Variants in SCN11A observed in about 807,000 individuals in gnomAD.
SCN11A encodes the protein sodium channel protein type 11 subunit alpha.
Under a neutral mutation model 162.2 loss-of-function variants are expected in SCN11A, and 122 were observed. The observed-to-expected ratio is 0.75, with a 90% CI of 0.65 to 0.87. The LOEUF (loss-of-function observed/expected upper bound fraction) is 0.87, where lower values mean the gene tolerates loss of function less well. Ranked by LOEUF, SCN11A falls within the 40% of genes least tolerant of loss-of-function variation. SCN11A has a pLI of 0.00. For missense variants in SCN11A, 2,015 were observed against 2,181.6 expected (o/e 0.92, Z 1.52); for synonymous variants, 758 against 751.5 (o/e 1.01, Z -0.14).
At chr3:39,033,323 C>T (rs1427090326) in intron 1 of SCN11A, among the ~76,000 whole-genome samples, 1 of 151,700 alleles carries the variant, frequency 6.6e-6, no homozygotes, top group Non-Finnish European at 1.5e-5. Flanking sequence ...TTTATATTTA[C>T]TACATTTTTG....
At chr3:39,037,055 C>A (rs1223370470) in intron 1 of SCN11A, among the ~76,000 whole-genome samples, 2 of 152,134 alleles carry the variant, frequency 1.3e-5, no homozygotes, top group African/African-American at 4.8e-5. Context: ...TCATAATAGC[C>A]AAGATTTGGA....
intron 26 of SCN11A, among the ~76,000 whole-genome samples, chr3:38,868,275 C>T (rs1330882623): frequency 6.6e-6 from 1 of 152,180 alleles, no homozygotes; most frequent in East Asian, 1.9e-4. Flanking sequence ...ACAATGTAGA[C>T]TAGTGTAATG....
At chr3:39,028,978 T>C (rs768231067) in intron 2 of SCN11A, among the ~76,000 whole-genome samples, 4 of 152,228 alleles carry the variant, frequency 2.6e-5, no homozygotes, top group Admixed American at 1.3e-4. Flanking sequence ...TTCAAGCCAT[T>C]AGTAACTGCC....
rs189244327 is a variant in SCN11A, at chr3:38,850,882, C to T, written c.4057-131G>A. On this transcript the variant is annotated intron_variant, in intron 28 of 29. Coordinates refer to ENST00000302328, the MANE Select transcript of SCN11A (RefSeq NM_001349253.2). Reference sequence around the variant, plus strand: ...CAGTTCCTTGAAAAATACACAGACCCTTTTCAAAGGGCAAGAAATTCTTAT... The same window carrying T: ...CAGTTCCTTGAAAAATACACAGACCTTTTTCAAAGGGCAAGAAATTCTTAT... 3.7e-4 allele frequency: 247 copies of T among 670,942 alleles called. No homozygotes were observed. The African/African-American group carries it at 4.1e-3, about 11-fold the overall frequency. 41.6% of individuals were successfully genotyped at this position (670,942 alleles called of 1,614,324 possible). A position where few individuals can be genotyped will look rare whatever the true frequency, so the allele number is the denominator to read the frequency against.
chr3:39,000,817 A>G (rs2030787883), intron 2 of SCN11A, among the ~76,000 whole-genome samples: 1 of 152,208 alleles, frequency 6.6e-6, no homozygotes, highest in Non-Finnish European at 1.5e-5. Context: ...CGGGTGGATC[A>G]CTTGAGGCCA....
Position 39,024,903 on chromosome 3 carries a change from G to A in SCN11A, c.-280+7477C>T, listed in dbSNP as rs145289776. ...AGCATGAAAATGGACAATTTCCCCT[G>A]TATCTTTGGGTCTTCCTTCTGAAGG... On this transcript the variant is annotated intron_variant, in intron 2 of 29. Coordinates refer to ENST00000302328, the MANE Select transcript of SCN11A (RefSeq NM_001349253.2). Among the ~76,000 whole-genome samples the A allele has an allele frequency of 1.5e-3, 225 of 152,310 alleles. 1 individual carries two copies. Among genetic ancestry groups the A allele is most frequent in the African/African-American group, 4.9e-3 (205 of 41,562 alleles).
chr3:38,968,090 G>A (rs1483133322), intron 2 of SCN11A, among the ~76,000 whole-genome samples: 2 of 152,194 alleles, frequency 1.3e-5, no homozygotes, highest in Non-Finnish European at 2.9e-5. Context: ...GAGTAGAACC[G>A]AAGAATGAAG....
intron 21 of SCN11A, among the ~76,000 whole-genome samples, chr3:38,884,114 T>C (rs537658677): frequency 6.6e-6 from 1 of 152,306 alleles, no homozygotes; most frequent in East Asian, 1.9e-4. Flanking sequence ...ATTATAACAT[T>C]CTGCTCCTTT....
intron 2 of SCN11A, among the ~76,000 whole-genome samples, chr3:38,976,629 TC>T (rs904741638): frequency 1.3e-5 from 2 of 152,186 alleles, no homozygotes; most frequent in African/African-American, 2.4e-5. Flanking sequence ...GTACTTCTTG[TC>T]CCAAGTATTT....
intron 11 of SCN11A, among the ~76,000 whole-genome samples, chr3:38,919,160 T>C (rs2066007413): frequency 6.6e-6 from 1 of 152,230 alleles, no homozygotes. Context: ...ATTATCAATC[T>C]AAATATCATT....
rs114536229 is a variant in SCN11A at position 38,912,753 on chromosome 3, G to C, written c.960-2546C>G. On this transcript the variant is annotated intron_variant, in intron 11 of 29. Transcript: ENST00000302328. ...ATTTGGTTTTCTGTTTCCTGCTTTA[G>C]TTTGCTAAGGCTAATGGCCTCTAAC... Among the ~76,000 whole-genome samples the C allele has an allele frequency of 3.6e-3, 546 of 152,266 alleles. 7 individuals are homozygous for C. The highest frequency in any genetic ancestry group is 0.013 in the African/African-American group (522 of 41,548).
intron 10 of SCN11A, among the ~76,000 whole-genome samples, chr3:38,920,726 T>C (rs1575293085): frequency 6.7e-6 from 1 of 149,754 alleles, no homozygotes; most frequent in African/African-American, 2.5e-5. Context: ...GGAGAAATAC[T>C]TGAGGAGTGG....
intron 2 of SCN11A, among the ~76,000 whole-genome samples, chr3:38,980,914 T>C (rs1181424418): frequency 6.6e-6 from 1 of 152,172 alleles, no homozygotes; most frequent in African/African-American, 2.4e-5. Flanking sequence ...GAGACACACT[T>C]TTTTTAAAAC....
intron 7 of SCN11A, among the ~76,000 whole-genome samples, chr3:38,929,135 G>GCACACACACACACA (rs748169973): frequency 1.5e-5 from 1 of 66,604 alleles, no homozygotes; most frequent in South Asian, 6.9e-4. Context: ...GTCTGTGCAC[G>GCACACACACACACA]CACACACACA....
chr3:38,873,518 TTTAAGTTA>T (rs1382714162), intron 23 of SCN11A, among the ~76,000 whole-genome samples: 4 of 152,274 alleles, frequency 2.6e-5, no homozygotes, highest in African/African-American at 9.6e-5. Flanking sequence ...TGGAGAGTTA[TTTAAGTTA>T]TTAAGTTATT....
chr3:39,029,578 C>T (rs2031691556), intron 2 of SCN11A, among the ~76,000 whole-genome samples: 2 of 152,236 alleles, frequency 1.3e-5, no homozygotes, highest in African/African-American at 4.8e-5. Flanking sequence ...AAACGTAGTA[C>T]AACTCAGGGC....
At chr3:38,914,929 C>T (rs898610738) in intron 11 of SCN11A, among the ~76,000 whole-genome samples, 3 of 152,026 alleles carry the variant, frequency 2.0e-5, no homozygotes, top group Non-Finnish European at 2.9e-5. Context: ...GGATATTGAC[C>T]TAAAGTTTTC....
At chr3:38,889,803 AAAATAAAATAAAATAAAATAAAAT>A (rs2065466516) in intron 19 of SCN11A, among the ~76,000 whole-genome samples, 1 of 21,454 alleles carries the variant, frequency 4.7e-5, no homozygotes, top group Non-Finnish European at 7.2e-5. Context: ...CCATCTCAAA[AAAATAAAATAAAATAAAATAAAAT>A]AAAATAAAAT....
At position 38,871,498 on chromosome 3, in the gene SCN11A, G is replaced by C; in HGVS notation, c.3706C>G (p.Gln1236Glu). ...CCCACATTGTCAAAGTTGACTTTCT[G>C]GTTGATCCAAGAGAAATTGCCACTT... ...CESGNFSWIN[Q>E]KVNFDNVGNA... The change falls in exon 25 of 30, where the codon CAG becomes GAG. Residue 1236 changes from glutamine (Q) to glutamate (E), a missense_variant. By Grantham distance (29) the Gln-to-Glu change is conservative (BLOSUM62 2). Transcript: ENST00000302328. The C allele has an allele frequency of 6.2e-7, 1 of 1,613,060 alleles. No homozygotes were observed. The highest frequency in any genetic ancestry group is 1.1e-5 in the South Asian group (1 of 90,926).
Sources: gnomAD v4.1 joint callset for allele counts (sites outside exome capture counted in the v4.1 genomes callset) on GRCh38, gnomAD v4.1.1 for gene constraint, MANE v1.5 for transcripts, NCBI Gene and HGNC (gene_info 2026-07-23, HGNC 2026-07-21) for gene names.